The following RUNDC3B variants were observed in gnomAD, a reference collection of about 807,000 sequenced individuals.
RUNDC3B encodes RUN domain containing 3B.
Under a neutral mutation model 58.4 loss-of-function variants are expected in RUNDC3B, and 33 were observed. The ratio of observed to expected loss-of-function variants is 0.56; its 90% CI spans 0.43 to 0.75. RUNDC3B has a LOEUF of 0.75. RUNDC3B is among the 30% of genes least tolerant of loss of function. The pLI, the probability that RUNDC3B is intolerant of heterozygous loss-of-function variation, is 0.00. For synonymous variants in RUNDC3B, 193 were observed against 195.2 expected (o/e 0.99, Z 0.10); for missense variants, 501 against 535.7 (o/e 0.94, Z 0.64).
At chr7:87,819,441 G>A (rs539009293) in intron 10 of RUNDC3B, among the ~76,000 whole-genome samples, 3 of 152,230 alleles carry the variant, frequency 2.0e-5, no homozygotes, top group East Asian at 3.9e-4. Context: ...AATAATGGGA[G>A]ACTTTAACAC....
intron 10 of RUNDC3B, among the ~76,000 whole-genome samples, chr7:87,822,279 A>G (rs905927118): frequency 2.6e-5 from 4 of 152,258 alleles, no homozygotes; most frequent in African/African-American, 9.6e-5. Flanking sequence ...CAAAAAACAC[A>G]TGAAAAAATG....
chr7:87,763,600 A>T (rs1011233600), intron 6 of RUNDC3B, among the ~76,000 whole-genome samples: 1 of 151,612 alleles, frequency 6.6e-6, no homozygotes, highest in Non-Finnish European at 1.5e-5. Flanking sequence ...TTTTCTGTCT[A>T]TCTTCCATTT....
intron 2 of RUNDC3B, chr7:87,693,802 A>G: frequency 2.8e-6 from 3 of 1,057,144 alleles, no homozygotes; most frequent in Non-Finnish European, 4.2e-6. Context: ...TACTGCTTCA[A>G]AATTATATGT....
intron 2 of RUNDC3B, among the ~76,000 whole-genome samples, chr7:87,671,968 G>A (rs1825864724): frequency 6.6e-6 from 1 of 152,096 alleles, no homozygotes; most frequent in Non-Finnish European, 1.5e-5. Flanking sequence ...AGGAGAAGTG[G>A]GACTGGGGAC....
intron 6 of RUNDC3B, among the ~76,000 whole-genome samples, chr7:87,754,148 C>T (rs1030494499): frequency 2.0e-5 from 3 of 152,258 alleles, no homozygotes; most frequent in East Asian, 1.9e-4. Flanking sequence ...TTCTTCTCAT[C>T]GCCACATGGC....
chr7:87,805,045 G>A (rs1182285855), intron 8 of RUNDC3B, among the ~76,000 whole-genome samples: 1 of 152,114 alleles, frequency 6.6e-6, no homozygotes, highest in Non-Finnish European at 1.5e-5. Context: ...GAGATCAGCA[G>A]CTCACAGAAT....
At chr7:87,747,574 G>A (rs1832719588) in intron 6 of RUNDC3B, among the ~76,000 whole-genome samples, 2 of 152,112 alleles carry the variant, frequency 1.3e-5, no homozygotes, top group South Asian at 4.1e-4. Flanking sequence ...GTCTTCCGCT[G>A]CCAGGGTGGG....
In RUNDC3B at chr7:87,770,708, A is replaced by G; in HGVS notation, c.757A>G (p.Lys253Glu). The G allele has an allele frequency of 1.9e-6, 3 of 1,613,558 alleles. No homozygotes were observed. The highest frequency in any genetic ancestry group is 2.5e-6 in the Non-Finnish European group (3 of 1,179,518). ...TGAGAACAGTTGGTTCAACAAGTGT[A>G]AGAGAGTTAAACAAAAGTATCAGCT... ...MDENSWFNKC[K>E]RVKQKYQLTL... The change falls in exon 7 of 11, where the codon AAG (lysine) becomes GAG (glutamate). Residue 253 changes from lysine (K) to glutamate (E), a missense_variant. Physicochemically the swap from Lys to Glu is moderately conservative, Grantham distance 56. Transcript: ENST00000394654.
At chr7:87,671,609 C>A (rs951556535) in intron 2 of RUNDC3B, among the ~76,000 whole-genome samples, 1 of 152,112 alleles carries the variant, frequency 6.6e-6, no homozygotes, top group African/African-American at 2.4e-5. Context: ...AGCTTTGTCC[C>A]TGGGAGGTAC....
At position 87,725,492 on chromosome 7, in the gene RUNDC3B, G is replaced by T. The variant is rs188404424; in HGVS notation, c.459-14299G>T. On this transcript the variant is annotated intron_variant, in intron 4 of 10. Coordinates refer to ENST00000394654, the MANE Select transcript of RUNDC3B (RefSeq NM_001134405.2). ...CATTTTCTTAATCCAGTCTATCATT[G>T]TTGGACATTTGGGTTAGTTCCAACT... Among the ~76,000 whole-genome samples, 570 of 152,232 alleles carry T rather than the reference G, an allele frequency of 3.7e-3. 5 individuals are homozygous for T. Among genetic ancestry groups the T allele is most frequent in the Non-Finnish European group, 5.4e-3 (367 of 68,022 alleles).
At chr7:87,821,862 C>T (rs1296817192) in intron 10 of RUNDC3B, among the ~76,000 whole-genome samples, 1 of 152,146 alleles carries the variant, frequency 6.6e-6, no homozygotes, top group Non-Finnish European at 1.5e-5. Context: ...AACTGGATCC[C>T]TTCCTTACAC....
chr7:87,830,196 T>G lies in RUNDC3B; in HGVS notation c.*166T>G. The stretch of plus-strand genomic sequence containing the variant: ...AAGAGATTTTGAGTGAAAAACATAA[T>G]GATCCTGCCATTTTTCATTTTTAAA... On this transcript the variant is annotated 3_prime_UTR_variant, in exon 11 of 11. Transcript: ENST00000394654. 1 of 395,722 alleles carries G rather than the reference T, an allele frequency of 2.5e-6. No individual in the cohort carries two copies. The allele number at this position is 395,722 out of a possible 1,614,324, so 24.5% of individuals were successfully genotyped here.
At chr7:87,696,532 A>G (rs1448451146) in intron 2 of RUNDC3B, among the ~76,000 whole-genome samples, 1 of 152,198 alleles carries the variant, frequency 6.6e-6, no homozygotes, top group Non-Finnish European at 1.5e-5. Context: ...ATGAAATCCT[A>G]GGATATACAG....
At chr7:87,823,207 A>T (rs1346139696) in intron 10 of RUNDC3B, among the ~76,000 whole-genome samples, 1 of 152,070 alleles carries the variant, frequency 6.6e-6, no homozygotes, top group East Asian at 1.9e-4. Flanking sequence ...TGGCCTTCCA[A>T]GATGATTTAT....
intron 4 of RUNDC3B, among the ~76,000 whole-genome samples, chr7:87,728,963 A>G (rs1349818705): frequency 2.0e-5 from 3 of 152,046 alleles, no homozygotes; most frequent in South Asian, 2.1e-4. Context: ...TAATTTTTCT[A>G]TTCATGAGGG....
In RUNDC3B at chr7:87,758,629, G is replaced by GA. The variant is rs577882151; in HGVS notation, c.630-11944dup. 9.9e-5 allele frequency among the ~76,000 whole-genome samples: 15 copies of GA among 151,798 alleles called. No homozygotes were observed. In the East Asian group the frequency reaches 1.4e-3, roughly 14 times the overall value. ...GTAAAGAGTTCAAACAACTCAATAGGAAAAAAAATCAAATAATCCAATTAA... is the reference window on the plus strand; with the variant it reads ...GTAAAGAGTTCAAACAACTCAATAGGAAAAAAAAATCAAATAATCCAATTAA... On this transcript the variant is annotated intron_variant, in intron 6 of 10. Coordinates refer to ENST00000394654, the MANE Select transcript of RUNDC3B (RefSeq NM_001134405.2).
intron 8 of RUNDC3B, among the ~76,000 whole-genome samples, chr7:87,804,386 A>G (rs1836327874): frequency 6.6e-6 from 1 of 152,172 alleles, no homozygotes; most frequent in Non-Finnish European, 1.5e-5. Context: ...TGACTGGATT[A>G]TATGTAGCTT....
At chr7:87,762,006 TA>T (rs1044768453) in intron 6 of RUNDC3B, among the ~76,000 whole-genome samples, 10 of 151,780 alleles carry the variant, frequency 6.6e-5, no homozygotes, top group African/African-American at 2.4e-4. Flanking sequence ...GATCTTAAAA[TA>T]TATTTTTGAT....
At chr7:87,719,781 GAA>G (rs2130771580) in intron 4 of RUNDC3B, among the ~76,000 whole-genome samples, 1 of 151,568 alleles carries the variant, frequency 6.6e-6, no homozygotes, top group African/African-American at 2.4e-5. Context: ...TTGCCATTTT[GAA>G]AAAGACATAA....
Sources: allele counts gnomAD v4.1 joint callset (sites outside exome capture counted in the v4.1 genomes callset), GRCh38; gene constraint gnomAD v4.1.1; transcripts MANE v1.5; gene names NCBI Gene and HGNC (gene_info 2026-07-23, HGNC 2026-07-21).